MAP7: variants seen among roughly 807,000 people sequenced by gnomAD.
The protein encoded by MAP7 is ensconsin.
MAP7 carries 52 observed loss-of-function variants against 94.8 expected under a neutral mutation model. The ratio of observed to expected loss-of-function variants is 0.55; its 90% CI spans 0.44 to 0.69. The LOEUF (loss-of-function observed/expected upper bound fraction) is 0.69. Among genes scored for constraint, MAP7 ranks in the 30% least tolerant of loss-of-function variants. MAP7 has a pLI of 0.00. For missense variants in MAP7, 940 were observed against 964.6 expected (o/e 0.97, Z 0.34); for synonymous variants, 350 against 357.0 (o/e 0.98, Z 0.22).
intron 5 of MAP7, among the ~76,000 whole-genome samples, chr6:136,385,492 A>C (rs1472220621): frequency 2.0e-5 from 3 of 152,100 alleles, no homozygotes; most frequent in Non-Finnish European, 4.4e-5. Context: ...TAGTTGGGGG[A>C]AAATTGTGTC....
chr6:136,513,319 T>C (rs925171936), intron 1 of MAP7, among the ~76,000 whole-genome samples: 3 of 152,242 alleles, frequency 2.0e-5, no homozygotes, highest in African/African-American at 7.2e-5. Flanking sequence ...ACTAAGCTTA[T>C]GTAATATTCT....
At chr6:136,420,463 TA>T in intron 2 of MAP7, 1 of 463,106 alleles carries the variant, frequency 2.2e-6, no homozygotes. Context: ...TCTACTTCCA[TA>T]GAGACACACT....
intron 1 of MAP7, among the ~76,000 whole-genome samples, chr6:136,484,891 T>C (rs9373166): frequency 0.083 from 12,671 of 152,052 alleles, 1,183 homozygotes; most frequent in African/African-American, 0.23. Context: ...GCAAGGGTCT[T>C]ACTATGTTTC....
intron 3 of MAP7, among the ~76,000 whole-genome samples, chr6:136,399,510 G>GTT (rs1023049609): frequency 4.8e-5 from 7 of 146,096 alleles, no homozygotes; most frequent in Non-Finnish European, 7.6e-5. Context: ...TGTCTGGCTC[G>GTT]TTTTTTTTTT....
chr6:136,447,002 C>T (rs1299024262), intron 1 of MAP7, among the ~76,000 whole-genome samples: 2 of 152,190 alleles, frequency 1.3e-5, no homozygotes, highest in East Asian at 3.9e-4. Flanking sequence ...TAAAATTTCT[C>T]TCCCCTGACA....
chr6:136,530,541 A>AGCTCCTGCAAT (rs1583153402), intron 1 of MAP7, among the ~76,000 whole-genome samples: 2 of 147,034 alleles, frequency 1.4e-5, no homozygotes, highest in East Asian at 2.0e-4. Flanking sequence ...CATGGAATCA[A>AGCTCCTGCAAT]ACAACCACTA....
At chr6:136,487,308 C>T (rs772022568) in intron 1 of MAP7, among the ~76,000 whole-genome samples, 12 of 152,056 alleles carry the variant, frequency 7.9e-5, no homozygotes, top group East Asian at 3.8e-4. Context: ...CACACACATA[C>T]GATAGAGTTT....
intron 2 of MAP7, 60 bp from the exon 3 acceptor site, chr6:136,411,757 GA>G (rs1391816849): frequency 2.3e-6 from 3 of 1,299,682 alleles, no homozygotes; most frequent in Non-Finnish European, 3.2e-6. Context: ...AAAAGAAAAA[GA>G]AAAAACACAC....
At chr6:136,447,145 A>G (rs529350752) in intron 1 of MAP7, among the ~76,000 whole-genome samples, 34 of 152,326 alleles carry the variant, frequency 2.2e-4, no homozygotes, top group African/African-American at 7.9e-4. Context: ...TTAATCTAAG[A>G]AACACAAAAC....
At chr6:136,378,281 T>C (rs1045451270) in intron 6 of MAP7, among the ~76,000 whole-genome samples, 9 of 152,138 alleles carry the variant, frequency 5.9e-5, no homozygotes, top group Non-Finnish European at 1.2e-4. Flanking sequence ...CTAAGTACCT[T>C]GAATAATAAA....
intron 3 of MAP7, among the ~76,000 whole-genome samples, chr6:136,408,606 AACTTT>A (rs1361129304): frequency 6.6e-6 from 1 of 152,180 alleles, no homozygotes; most frequent in East Asian, 1.9e-4. Context: ...ATTCATTTTA[AACTTT>A]ACTTTGCCAG....
intron 1 of MAP7, among the ~76,000 whole-genome samples, chr6:136,524,197 T>C (rs1280494718): frequency 1.3e-5 from 2 of 152,062 alleles, no homozygotes; most frequent in Admixed American, 6.5e-5. Context: ...TGAGCTGAGA[T>C]TGTGCCACTG....
At chr6:136,527,982 T>C (rs1489522107) in intron 1 of MAP7, among the ~76,000 whole-genome samples, 1 of 152,216 alleles carries the variant, frequency 6.6e-6, no homozygotes, top group Non-Finnish European at 1.5e-5. Context: ...ATCTGTGCAG[T>C]GGGTCTTTGG....
At position 136,372,600 on chromosome 6, in the gene MAP7, GGGCATGATGAT is replaced by G. The variant is rs1774883830; in HGVS notation, c.766_776del (p.Ile256LeufsTer7). Reference sequence around the variant, plus strand: ...AATTTCTAGAGTGTGCAGCTTTGTAGGGCATGATGATGGGGCTGCAAGATGCTGAACGAGGA... The same window carrying G: ...AATTTCTAGAGTGTGCAGCTTTGTAGGGGGCTGCAAGATGCTGAACGAGGA... On this transcript the variant is annotated frameshift_variant, in exon 8 of 18. Transcript: ENST00000354570. LOFTEE classifies it high-confidence loss of function. 8.1e-6 allele frequency: 13 copies of G among 1,614,178 alleles called. No individual in the cohort carries two copies. Among genetic ancestry groups the G allele is most frequent in the Non-Finnish European group, 8.5e-6 (10 of 1,180,028 alleles).
At chr6:136,380,953 G>C (rs1777572569) in intron 6 of MAP7, among the ~76,000 whole-genome samples, 1 of 152,184 alleles carries the variant, frequency 6.6e-6, no homozygotes, top group African/African-American at 2.4e-5. Context: ...AGCCCTGATG[G>C]TATCGGAGCC....
At chr6:136,423,882 C>T (rs75845705) in intron 1 of MAP7, among the ~76,000 whole-genome samples, 8,171 of 151,762 alleles carry the variant, frequency 0.054, 483 homozygotes, top group African/African-American at 0.14. Flanking sequence ...CGGCAACCCC[C>T]GCCTCCCGGG....
At chr6:136,390,524 G>A (rs534506590) in intron 3 of MAP7, among the ~76,000 whole-genome samples, 15 of 151,990 alleles carry the variant, frequency 9.9e-5, no homozygotes, top group Admixed American at 1.3e-4. Flanking sequence ...GTGGTGGCAC[G>A]TGCCTGTAGT....
At chr6:136,544,636 C>CA (rs1829579747) in intron 1 of MAP7, among the ~76,000 whole-genome samples, 1 of 152,204 alleles carries the variant, frequency 6.6e-6, no homozygotes, top group Admixed American at 6.5e-5. Context: ...CCCAAACCTT[C>CA]AGCTATTATT....
intron 1 of MAP7, among the ~76,000 whole-genome samples, chr6:136,499,833 T>C (rs1221181212): frequency 6.6e-6 from 1 of 151,986 alleles, no homozygotes; most frequent in Non-Finnish European, 1.5e-5. Context: ...CTCTCATCTC[T>C]ACAAAAATTA....
Sources: gnomAD v4.1 joint callset for allele counts (sites outside exome capture counted in the v4.1 genomes callset) on GRCh38, gnomAD v4.1.1 for gene constraint, MANE v1.5 for transcripts, NCBI Gene and HGNC (gene_info 2026-07-23, HGNC 2026-07-21) for gene names.